SLC16A7: variants seen among roughly 807,000 people sequenced by gnomAD.
SLC16A7 encodes the protein monocarboxylate transporter 2.
SLC16A7 carries 33 observed loss-of-function variants against 34.9 expected under a neutral mutation model. That is an observed-to-expected ratio of 0.94 (90% CI 0.72 to 1.26). The LOEUF (loss-of-function observed/expected upper bound fraction) is 1.26. Among genes scored for constraint, SLC16A7 ranks in the 50% most tolerant of loss-of-function variants. The probability of loss-of-function intolerance (pLI) is 0.00; values close to 1 mark genes in which losing one functional copy is unlikely to be tolerated. For synonymous variants in SLC16A7, 201 were observed against 206.6 expected (o/e 0.97, Z 0.23); for missense variants, 573 against 578.1 (o/e 0.99, Z 0.09).
At chr12:59,707,534 A>G (rs1302823406) in intron 3 of SLC16A7, among the ~76,000 whole-genome samples, 3 of 152,014 alleles carry the variant, frequency 2.0e-5, no homozygotes, top group Non-Finnish European at 4.4e-5. Flanking sequence ...TATATATGGT[A>G]TAATTTTTTA....
At chr12:59,749,724 G>A (rs556803977) in intron 3 of SLC16A7, among the ~76,000 whole-genome samples, 2 of 152,332 alleles carry the variant, frequency 1.3e-5, no homozygotes, top group South Asian at 4.1e-4. Flanking sequence ...GAGAGAAGAT[G>A]TTTTGCAAGA....
chr12:59,677,203 C>T (rs1870383094), intron 2 of SLC16A7, among the ~76,000 whole-genome samples: 1 of 151,918 alleles, frequency 6.6e-6, no homozygotes, highest in African/African-American at 2.4e-5. Context: ...AAGACAAAAT[C>T]AGGGTTTGTG....
chr12:59,602,136 C>T (rs1328306357), intron 1 of SLC16A7, among the ~76,000 whole-genome samples: 1 of 152,158 alleles, frequency 6.6e-6, no homozygotes, highest in East Asian at 1.9e-4. Flanking sequence ...AGAGTACTTT[C>T]AGAGTACTTT....
At chr12:59,724,256 G>C (rs796260855) in intron 3 of SLC16A7, among the ~76,000 whole-genome samples, 2 of 152,114 alleles carry the variant, frequency 1.3e-5, no homozygotes, top group African/African-American at 4.8e-5. Flanking sequence ...TACTGGTAAT[G>C]TGATAAAGCA....
rs565731081 is a variant in SLC16A7 at position 59,756,699 on chromosome 12, G to A, written c.218-14520G>A. 2.8e-4 allele frequency among the ~76,000 whole-genome samples: 39 copies of A among 138,722 alleles called. 3 individuals carry two copies. The highest frequency in any genetic ancestry group is 1.8e-3 in the South Asian group (7 of 3,952). The allele number at this position is 138,722 out of a possible 152,430, so 91.0% of individuals were successfully genotyped here. On this transcript the variant is annotated intron_variant, in intron 3 of 5. Coordinates refer to ENST00000547379, the MANE Select transcript of SLC16A7 (RefSeq NM_001270623.2). The stretch of plus-strand genomic sequence containing the variant: ...CAACCATTGTGGAAGACAGTGTGGC[G>A]ATTCCTCAGGGATCTAGAACTAGAA...
At chr12:59,638,614 T>A (rs1262608219) in intron 1 of SLC16A7, among the ~76,000 whole-genome samples, 2 of 152,168 alleles carry the variant, frequency 1.3e-5, no homozygotes, top group African/African-American at 4.8e-5. Flanking sequence ...GTGTAATTTT[T>A]AAAATGTCTT....
chr12:59,615,937 C>G (rs955715845), intron 1 of SLC16A7, among the ~76,000 whole-genome samples: 1 of 152,182 alleles, frequency 6.6e-6, no homozygotes, highest in African/African-American at 2.4e-5. Flanking sequence ...TCTGTTGGAT[C>G]TTGGCATCAA....
In SLC16A7 at chr12:59,759,152, A is replaced by G. The variant is rs367720630; in HGVS notation, c.218-12067A>G. Among the ~76,000 whole-genome samples, 38 of 152,178 alleles carry G rather than the reference A, an allele frequency of 2.5e-4. No homozygotes were observed. The East Asian group carries it at 5.4e-3, about 22-fold the overall frequency. ...ATGTAACTTGGAACTTTTATCCTTC[A>G]GAATTATGAAAGTAAGCATATATTT... is the stretch of plus-strand genomic sequence containing the variant. On this transcript the variant is annotated intron_variant, in intron 3 of 5. Coordinates refer to ENST00000547379, the MANE Select transcript of SLC16A7 (RefSeq NM_001270623.2).
intron 4 of SLC16A7, 82 bp downstream of exon 4, chr12:59,771,444 CT>C: frequency 1.0e-6 from 1 of 991,008 alleles, no homozygotes; most frequent in Admixed American, 3.0e-5. Flanking sequence ...ACAGAAAATT[CT>C]TATTTTCTTT....
chr12:59,769,474 C>T (rs1372547783), intron 3 of SLC16A7: 3 of 151,990 alleles, frequency 2.0e-5, no homozygotes, highest in African/African-American at 7.2e-5. Flanking sequence ...TAGTTCTTCC[C>T]TCCAAACCCT....
intron 1 of SLC16A7, among the ~76,000 whole-genome samples, chr12:59,615,360 A>T (rs1879400796): frequency 1.3e-5 from 2 of 151,088 alleles, no homozygotes; most frequent in Middle Eastern, 3.4e-3. Context: ...TCTGAAAATG[A>T]AAAAAAAACC....
chr12:59,787,440 T>C lies in SLC16A7; in HGVS notation c.*7761T>C, dbSNP rs1457261170. 1 of 152,182 alleles carries C rather than the reference T, an allele frequency of 6.6e-6. No homozygotes were observed. The highest frequency in any genetic ancestry group is 1.5e-5 in the Non-Finnish European group (1 of 68,028). 9.4% of individuals were successfully genotyped at this position (152,182 alleles called of 1,614,324 possible). A position where few individuals can be genotyped will look rare whatever the true frequency, so the allele number is the denominator to read the frequency against. Reference sequence around the variant, plus strand: ...CTGGCAACAGTGTAATTAGAGCTTCTTTTATGTTAGAGATTCCATCTACCT... The same window carrying C: ...CTGGCAACAGTGTAATTAGAGCTTCCTTTATGTTAGAGATTCCATCTACCT... On this transcript the variant is annotated 3_prime_UTR_variant, in exon 6 of 6. Transcript: ENST00000547379.
intron 2 of SLC16A7, among the ~76,000 whole-genome samples, chr12:59,701,148 T>G (rs555732197): frequency 6.6e-6 from 1 of 151,924 alleles, no homozygotes; most frequent in South Asian, 2.1e-4. Flanking sequence ...TTATGTATAA[T>G]TTTAAGAAAA....
intron 1 of SLC16A7, chr12:59,597,292 G>A (rs1049046393): frequency 4.0e-5 from 6 of 151,632 alleles, no homozygotes; most frequent in Admixed American, 6.6e-5. Context: ...GAGGAAACGA[G>A]GAGTGGTTTC....
At chr12:59,767,860 G>A (rs368872586) in intron 3 of SLC16A7, among the ~76,000 whole-genome samples, 6 of 148,988 alleles carry the variant, frequency 4.0e-5, no homozygotes, top group Non-Finnish European at 4.4e-5. Context: ...ACCAATCACC[G>A]CATGTTCTCA....
At chr12:59,612,614 A>C (rs1565617609) in intron 1 of SLC16A7, among the ~76,000 whole-genome samples, 1 of 152,306 alleles carries the variant, frequency 6.6e-6, no homozygotes, top group East Asian at 1.9e-4. Context: ...TTTCTATCAC[A>C]TCATCAGGCT....
chr12:59,644,295 G>A (rs899565872), intron 1 of SLC16A7, among the ~76,000 whole-genome samples: 2 of 152,152 alleles, frequency 1.3e-5, no homozygotes, highest in Admixed American at 1.3e-4. Flanking sequence ...GTCCGGGCAC[G>A]GTAGCTCATG....
chr12:59,625,714 G>A lies in SLC16A7; in HGVS notation c.-129-29438G>A, dbSNP rs188225475. Among the ~76,000 whole-genome samples, 673 of 151,902 alleles carry A rather than the reference G, an allele frequency of 4.4e-3. 17 individuals are homozygous for A. Among genetic ancestry groups the A allele is most frequent in the Admixed American group, 0.038 (585 of 15,210 alleles). On this transcript the variant is annotated intron_variant, in intron 1 of 5. Coordinates refer to ENST00000547379, the MANE Select transcript of SLC16A7 (RefSeq NM_001270623.2). ...TCCCTTTCACTTTATTTGACCTGTG[G>A]TCTACTTAGCTGTGGCCTTGGGTAA...
intron 3 of SLC16A7, among the ~76,000 whole-genome samples, chr12:59,714,927 G>T (rs1874725286): frequency 6.6e-6 from 1 of 152,034 alleles, no homozygotes; most frequent in African/African-American, 2.4e-5. Flanking sequence ...TATTTCTTAT[G>T]ACCTTATTTA....
Sources: allele counts gnomAD v4.1 joint callset (sites outside exome capture counted in the v4.1 genomes callset), GRCh38; gene constraint gnomAD v4.1.1; transcripts MANE v1.5; gene names NCBI Gene and HGNC (gene_info 2026-07-23, HGNC 2026-07-21).